COQ8B: variants seen among roughly 807,000 people sequenced by gnomAD.
COQ8B encodes coenzyme Q8B.
Under a neutral mutation model 62.0 loss-of-function variants are expected in COQ8B, and 44 were observed. The observed-to-expected ratio is 0.71, with a 90% CI of 0.56 to 0.91. COQ8B has a LOEUF of 0.91. Among genes scored for constraint, COQ8B ranks in the 40% least tolerant of loss-of-function variants. The pLI, the probability that COQ8B is intolerant of heterozygous loss-of-function variation, is 0.00. For missense variants in COQ8B, 649 were observed against 731.6 expected, an observed-to-expected ratio of 0.89 and a Z score of 1.30; for synonymous variants, 252 against 289.9, an observed-to-expected ratio of 0.87 and a Z score of 1.33.
intron 4 of COQ8B, among the ~76,000 whole-genome samples, chr19:40,713,769 A>T (rs1468803097): frequency 6.7e-6 from 1 of 148,520 alleles, no homozygotes; most frequent in Non-Finnish European, 1.5e-5. Flanking sequence ...CTGTGGTCCC[A>T]GCTACTCAGG....
intron 4 of COQ8B, among the ~76,000 whole-genome samples, chr19:40,711,270 C>T (rs1350283484): frequency 6.6e-5 from 10 of 152,022 alleles, no homozygotes; most frequent in Admixed American, 3.9e-4. Flanking sequence ...CTCACTCTGT[C>T]GCCCAGGCTG....
chr19:40,703,909 T>C, intron 7 of COQ8B, 54 bp from the exon 8 acceptor site: 1 of 1,557,216 alleles, frequency 6.4e-7, no homozygotes, highest in Non-Finnish European at 8.7e-7. Context: ...TTCCCCAGGC[T>C]GAGTGCTTTA....
chr19:40,692,893 C>A (rs1306860655), intron 14 of COQ8B, 58 bp downstream of exon 14: 11 of 1,487,368 alleles, frequency 7.4e-6, no homozygotes, highest in East Asian at 2.3e-5. Flanking sequence ...AGATAAGCAG[C>A]CCCCCACTGC....
chr19:40,697,920 CAAAAGTGTCCCA>C lies in COQ8B; in HGVS notation c.1144-1878_1144-1867del, dbSNP rs1166203995. ...TGCAAATGCACACAAAAACGTCAAA[CAAAAGTGTCCCA>C]AGGCCAGGCGCAATGGCTCATGGCT... is the stretch of plus-strand genomic sequence containing the variant. On this transcript the variant is annotated intron_variant, in intron 12 of 14. Transcript: ENST00000324464. Among the ~76,000 whole-genome samples the C allele has an allele frequency of 9.5e-5, 13 of 136,460 alleles. No individual in the cohort carries two copies. In the East Asian group the frequency reaches 2.7e-3, roughly 29 times the overall value. 89.5% of individuals were successfully genotyped at this position (136,460 alleles called of 152,430 possible). A position where few individuals can be genotyped will look rare whatever the true frequency, so the allele number is the denominator to read the frequency against.
chr19:40,700,744 G>C, intron 10 of COQ8B: 1 of 427,936 alleles, frequency 2.3e-6, no homozygotes, highest in East Asian at 3.8e-5. Context: ...GGTTGCCCCA[G>C]AAGGATGAGT....
At chr19:40,702,565 G>T (rs774196385) in intron 10 of COQ8B, 35 bp downstream of exon 10, 3 of 1,604,494 alleles carry the variant, frequency 1.9e-6, no homozygotes, top group Non-Finnish European at 2.6e-6. Context: ...GCCTGGGAGG[G>T]AGGGAAGGAG....
chr19:40,696,474 G>A (rs2082016054), intron 12 of COQ8B, among the ~76,000 whole-genome samples: 1 of 151,998 alleles, frequency 6.6e-6, no homozygotes, highest in Non-Finnish European at 1.5e-5. Context: ...AGACCAGCCT[G>A]GCCATCATGG....
At chr19:40,706,218 G>A (rs1340945793) in intron 5 of COQ8B, among the ~76,000 whole-genome samples, 1 of 152,202 alleles carries the variant, frequency 6.6e-6, no homozygotes, top group African/African-American at 2.4e-5. Context: ...GTGGGGACAT[G>A]AGAAGGGCAA....
rs796129457 is a variant in COQ8B at position 40,703,991 on chromosome 19, G to C, written c.577-136C>G. ...GCTCTTGGCTGCCACCCCCTTTGCA[G>C]ATGAGGAAACTGAGGCTCAGAGAGA... is the stretch of plus-strand genomic sequence containing the variant. On this transcript the variant is annotated intron_variant, in intron 7 of 14. Transcript: ENST00000324464. The C allele has an allele frequency of 3.4e-6, 4 of 1,184,342 alleles. No individual in the cohort carries two copies. The African/African-American group carries it at 4.6e-5, about 14-fold the overall frequency. 73.4% of individuals were successfully genotyped at this position (1,184,342 alleles called of 1,614,324 possible). A position where few individuals can be genotyped will look rare whatever the true frequency, so the allele number is the denominator to read the frequency against.
In COQ8B at chr19:40,693,872, C is replaced by T. The variant is rs1038231804; in HGVS notation, c.1210-835G>A. ...GCAGACCCGGAGTAGGGAGTGGAAC[C>T]GGGTCACACCACTCACTACTGGGTT... On this transcript the variant is annotated intron_variant, in intron 13 of 14. Coordinates refer to ENST00000324464, the MANE Select transcript of COQ8B (RefSeq NM_024876.4). Among the ~76,000 whole-genome samples, 13 of 152,134 alleles carry T rather than the reference C, an allele frequency of 8.5e-5. No individual in the cohort carries two copies. In the East Asian group the frequency reaches 9.7e-4, roughly 11 times the overall value.
intron 12 of COQ8B, among the ~76,000 whole-genome samples, chr19:40,697,633 C>A (rs1161326875): frequency 2.0e-5 from 3 of 150,756 alleles, no homozygotes; most frequent in African/African-American, 7.3e-5. Context: ...CCCACCTATA[C>A]TAAAAATACA....
Position 40,700,307 on chromosome 19 carries a change from T to C in COQ8B, c.1035+3A>G, listed in dbSNP as rs368182892. Reference sequence around the variant, plus strand: ...CTTCCCACTGTGCCACCAGACAGCATACCTGGTTCCGCAGGTCCTGGCTTA... The same window carrying C: ...CTTCCCACTGTGCCACCAGACAGCACACCTGGTTCCGCAGGTCCTGGCTTA... On this transcript the variant is annotated splice_donor_region_variant and intron_variant, in intron 11 of 14. Coordinates refer to ENST00000324464, the MANE Select transcript of COQ8B (RefSeq NM_024876.4). 1.9e-5 allele frequency: 30 copies of C among 1,613,364 alleles called. No homozygotes were observed. In the African/African-American group the frequency reaches 3.5e-4, roughly 19 times the overall value.
In COQ8B at chr19:40,709,338, A is replaced by T. The variant is rs535517357; in HGVS notation, c.367+721T>A. 5.3e-5 allele frequency among the ~76,000 whole-genome samples: 8 copies of T among 152,300 alleles called. No individual in the cohort carries two copies. The East Asian group carries it at 1.5e-3, about 29-fold the overall frequency. On this transcript the variant is annotated intron_variant, in intron 5 of 14. Coordinates refer to ENST00000324464, the MANE Select transcript of COQ8B (RefSeq NM_024876.4). The stretch of plus-strand genomic sequence containing the variant: ...AATAATGTCTCTTTCATCTGTTTTT[A>T]ATCTGGAATATCCACCCCCACTTGT...
At chr19:40,706,026 T>C (rs1364664664) in intron 5 of COQ8B, among the ~76,000 whole-genome samples, 1 of 151,526 alleles carries the variant, frequency 6.6e-6, no homozygotes, top group Non-Finnish European at 1.5e-5. Context: ...CAGTATTGAA[T>C]AGATGAGCTA....
intron 13 of COQ8B, 122 bp from the exon 14 acceptor site, chr19:40,693,159 C>A: frequency 1.3e-6 from 1 of 777,636 alleles, no homozygotes; most frequent in Non-Finnish European, 2.1e-6. Flanking sequence ...CTGGGCCCTC[C>A]CTCACCTGGA....
At chr19:40,701,516 T>C (rs1242085928) in intron 10 of COQ8B, 1 of 152,166 alleles carries the variant, frequency 6.6e-6, no homozygotes, top group Non-Finnish European at 1.5e-5. Context: ...ATCACCCCAC[T>C]TCACACTCTC....
In COQ8B at chr19:40,705,234, C is replaced by A. The variant is rs757869483; in HGVS notation, c.491-53G>T. 6.3e-6 allele frequency: 10 copies of A among 1,599,494 alleles called. No homozygotes were observed. The Admixed American group carries it at 1.0e-4, about 16-fold the overall frequency. On this transcript the variant is annotated intron_variant, in intron 6 of 14. Coordinates refer to ENST00000324464, the MANE Select transcript of COQ8B (RefSeq NM_024876.4). ...AGTAAGCGAAGAGGTGAGGAGGGAC[C>A]CCGTGTGAGTATCTGAAGTTGGGGC...
chr19:40,694,920 CACTG>C (rs1459807167), intron 13 of COQ8B, among the ~76,000 whole-genome samples: 1 of 152,202 alleles, frequency 6.6e-6, no homozygotes, highest in Admixed American at 6.5e-5. Flanking sequence ...ACTGTCGCCT[CACTG>C]ACTATGAGTT....
intron 5 of COQ8B, among the ~76,000 whole-genome samples, chr19:40,709,105 G>A (rs2082121850): frequency 6.6e-6 from 1 of 152,142 alleles, no homozygotes; most frequent in Non-Finnish European, 1.5e-5. Flanking sequence ...TGACCCACTT[G>A]CATGTAGTTG....
Sources: gnomAD v4.1 joint callset for allele counts (sites outside exome capture counted in the v4.1 genomes callset) on GRCh38, gnomAD v4.1.1 for gene constraint, MANE v1.5 for transcripts, NCBI Gene and HGNC (gene_info 2026-07-23, HGNC 2026-07-21) for gene names.